The following HIP1 variants were observed in gnomAD, a reference collection of about 807,000 sequenced individuals.
The protein encoded by HIP1 is huntingtin interacting protein 1, also known as huntingtin-interacting protein 1.
Under a neutral mutation model 147.6 loss-of-function variants are expected in HIP1, and 65 were observed. The ratio of observed to expected loss-of-function variants is 0.44; its 90% confidence interval spans 0.36 to 0.54. HIP1 has a LOEUF of 0.54. Among genes scored for constraint, HIP1 ranks in the 20% least tolerant of loss-of-function variants. The pLI is 0.00. For missense variants in HIP1, 1,061 were observed against 1,299.6 expected (o/e 0.82, Z 2.82); for synonymous variants, 479 against 504.0 (o/e 0.95, Z 0.67).
At chr7:75,660,042 C>T (rs138496460) in intron 1 of HIP1, among the ~76,000 whole-genome samples, 43 of 151,596 alleles carry the variant, frequency 2.8e-4, no homozygotes, top group South Asian at 8.4e-4. Context: ...GGAAGAATCG[C>T]GTGAACCGGA....
chr7:75,655,774 AT>A (rs1366230525), intron 1 of HIP1, among the ~76,000 whole-genome samples: 2 of 152,084 alleles, frequency 1.3e-5, no homozygotes, highest in African/African-American at 4.8e-5. Context: ...AATAGCAGTG[AT>A]TGTTGTACAG....
At chr7:75,571,906 A>T (rs587695427) in intron 8 of HIP1, among the ~76,000 whole-genome samples, 5 of 152,184 alleles carry the variant, frequency 3.3e-5, no homozygotes, top group Non-Finnish European at 5.9e-5. Context: ...TTTAAACCAG[A>T]AGGACACAAA....
intron 1 of HIP1, among the ~76,000 whole-genome samples, chr7:75,614,852 C>T (rs1797589651): frequency 6.6e-6 from 1 of 152,080 alleles, no homozygotes; most frequent in African/African-American, 2.4e-5. Flanking sequence ...CGGCGCATTG[C>T]AACCTCTGCC....
chr7:75,673,091 G>A (rs1196638697), intron 1 of HIP1, among the ~76,000 whole-genome samples: 2 of 148,406 alleles, frequency 1.3e-5, no homozygotes, highest in Non-Finnish European at 1.5e-5. Flanking sequence ...GTGTGATCTC[G>A]GCTCACTGCA....
chr7:75,622,416 G>T (rs587717527), intron 1 of HIP1, among the ~76,000 whole-genome samples: 1 of 151,930 alleles, frequency 6.6e-6, no homozygotes, highest in South Asian at 2.1e-4. Flanking sequence ...GAGACAGGAG[G>T]CCAGGTACGG....
intron 1 of HIP1, among the ~76,000 whole-genome samples, chr7:75,710,882 C>T (rs1554520073): frequency 6.6e-6 from 1 of 152,028 alleles, no homozygotes; most frequent in African/African-American, 2.4e-5. Flanking sequence ...GTTAACTTAC[C>T]ATTCCATAGA....
chr7:75,660,918 C>T (rs1799290799), intron 1 of HIP1, among the ~76,000 whole-genome samples: 1 of 152,068 alleles, frequency 6.6e-6, no homozygotes, highest in Admixed American at 6.6e-5. Context: ...GGACCAAAGA[C>T]ATAGCATCGG....
chr7:75,715,798 A>AAAG (rs1801299472), intron 1 of HIP1, among the ~76,000 whole-genome samples: 1 of 150,766 alleles, frequency 6.6e-6, no homozygotes, highest in Non-Finnish European at 1.5e-5. Flanking sequence ...AAAAAAAAAA[A>AAAG]AGATGTCTAT....
intron 1 of HIP1, among the ~76,000 whole-genome samples, chr7:75,715,417 G>A (rs1801283519): frequency 6.7e-6 from 1 of 148,842 alleles, no homozygotes; most frequent in South Asian, 2.1e-4. Context: ...AGGAAGGAAG[G>A]AAAGACAGAA....
chr7:75,577,624 C>A (rs1487949936), intron 7 of HIP1, among the ~76,000 whole-genome samples: 1 of 152,170 alleles, frequency 6.6e-6, no homozygotes, highest in Non-Finnish European at 1.5e-5. Context: ...TGCTATTCAC[C>A]AGGCACTGGA....
chr7:75,636,935 C>T (rs933048312), intron 1 of HIP1, among the ~76,000 whole-genome samples: 5 of 152,168 alleles, frequency 3.3e-5, no homozygotes, highest in African/African-American at 1.2e-4. Context: ...CAGCCTCACC[C>T]AATGGACTCT....
intron 7 of HIP1, among the ~76,000 whole-genome samples, chr7:75,575,880 A>G (rs1457960202): frequency 6.6e-6 from 1 of 151,994 alleles, no homozygotes; most frequent in Non-Finnish European, 1.5e-5. Flanking sequence ...TCCCGACTGC[A>G]CTAATCCCTG....
chr7:75,699,051 A>AGC (rs1800730597), intron 1 of HIP1, among the ~76,000 whole-genome samples: 4 of 152,038 alleles, frequency 2.6e-5, no homozygotes, highest in African/African-American at 4.8e-5. Context: ...TTACCTATTT[A>AGC]AAAAATGAAA....
chr7:75,549,116 G>A (rs1395372766), intron 22 of HIP1, 115 bp from the exon 23 acceptor site: 2 of 705,002 alleles, frequency 2.8e-6, no homozygotes, highest in Non-Finnish European at 2.5e-6. Context: ...AACACCTTCT[G>A]CAAGCCACAG....
At chr7:75,646,773 G>T (rs998567960) in intron 1 of HIP1, among the ~76,000 whole-genome samples, 1 of 152,208 alleles carries the variant, frequency 6.6e-6, no homozygotes, top group Non-Finnish European at 1.5e-5. Context: ...CTGGACACCA[G>T]CTGGGGATGT....
intron 12 of HIP1, 51 bp from the exon 13 acceptor site, chr7:75,561,452 G>A (rs1554494544): frequency 1.7e-6 from 2 of 1,173,356 alleles, no homozygotes; most frequent in Non-Finnish European, 2.6e-6. Flanking sequence ...CTATCCCTCT[G>A]TTTTTAATTG....
Position 75,573,869 on chromosome 7 carries a change from A to G in HIP1, c.637T>C (p.Ser213Pro), listed in dbSNP as rs781958874. 6.2e-7 allele frequency: 1 copy of G among 1,614,138 alleles called. No homozygotes were observed. The highest frequency in any genetic ancestry group is 8.5e-7 in the Non-Finnish European group (1 of 1,179,982). Residue 213 changes from serine to proline, a missense_variant, in exon 8 of 31, where the codon TCC becomes CCC. Ser to Pro is a moderately conservative substitution (Grantham distance 74). Coordinates refer to ENST00000336926, the MANE Select transcript of HIP1 (RefSeq NM_005338.7). ...CGGCACTGCCCTGCTGCCGTCACGG[A>G]CACAGAGCGGGACATGTCCAGGGAG... Reference protein sequence around the residue: ...FNSLDMSRSVSVTAAGQCRLA... With the variant: ...FNSLDMSRSVPVTAAGQCRLA...
intron 8 of HIP1, among the ~76,000 whole-genome samples, chr7:75,571,864 G>A (rs903431106): frequency 7.0e-4 from 107 of 152,258 alleles, no homozygotes; most frequent in African/African-American, 2.3e-3. Context: ...GATTCCATGC[G>A]TGAACCACTG....
intron 1 of HIP1, among the ~76,000 whole-genome samples, chr7:75,643,546 A>T (rs1798712154): frequency 6.6e-6 from 1 of 152,188 alleles, no homozygotes; most frequent in Non-Finnish European, 1.5e-5. Context: ...CGTATTTTGC[A>T]GGTATTGTGG....
Sources: gnomAD v4.1 joint callset for allele counts (sites outside exome capture counted in the v4.1 genomes callset) on GRCh38, gnomAD v4.1.1 for gene constraint, MANE v1.5 for transcripts, NCBI Gene and HGNC (gene_info 2026-07-23, HGNC 2026-07-21) for gene names.